PHF14: variants seen among roughly 807,000 people sequenced by gnomAD.
PHF14 encodes the protein PHD finger protein 14.
PHF14 carries 55 observed loss-of-function variants against 117.9 expected under a neutral mutation model. That is an observed-to-expected ratio of 0.47 (90% confidence interval 0.38 to 0.58). The LOEUF (loss-of-function observed/expected upper bound fraction) is 0.58, where lower values mean the gene tolerates loss of function less well. Among genes scored for constraint, PHF14 ranks in the 20% least tolerant of loss-of-function variants. The pLI is 0.00. For missense variants in PHF14, 978 were observed against 1,122.2 expected, an observed-to-expected ratio of 0.87 and a Z score of 1.84; for synonymous variants, 409 against 368.6, an observed-to-expected ratio of 1.11 and a Z score of -1.26.
intron 16 of PHF14, among the ~76,000 whole-genome samples, chr7:11,079,461 A>G (rs1785993034): frequency 6.6e-6 from 1 of 152,208 alleles, no homozygotes; most frequent in Non-Finnish European, 1.5e-5. Flanking sequence ...AGAAGAATGA[A>G]CCATGAACCA....
chr7:11,122,926 C>T (rs560122221), intron 17 of PHF14, among the ~76,000 whole-genome samples: 1 of 152,268 alleles, frequency 6.6e-6, no homozygotes, highest in Admixed American at 6.5e-5. Context: ...GCTGTAAATT[C>T]AGTTTGTCAA....
intron 17 of PHF14, among the ~76,000 whole-genome samples, chr7:11,123,201 AT>A (rs937862858): frequency 5.3e-5 from 8 of 152,208 alleles, no homozygotes; most frequent in Middle Eastern, 3.4e-3. Flanking sequence ...GGGATTTAGG[AT>A]TTAAGTGATC....
intron 16 of PHF14, chr7:11,108,325 A>G (rs1477038707): frequency 6.6e-6 from 1 of 151,658 alleles, no homozygotes; most frequent in Non-Finnish European, 1.5e-5. Context: ...AAAACTATTG[A>G]CTTCAAGATT....
In PHF14 at chr7:11,153,394, TG is replaced by T. The variant is rs151257933; in HGVS notation, c.2773-16017del. On this transcript the variant is annotated intron_variant, in intron 17 of 17. Coordinates refer to ENST00000634607, the MANE Select transcript of PHF14 (RefSeq NM_001007157.2). ...CAAGTGAGGTATAAGTCTTTTTTAG[TG>T]GGGGTAGGGGAAGTTTAGGGTTGGG... Among the ~76,000 whole-genome samples the T allele has an allele frequency of 1.3e-4, 20 of 152,116 alleles. 1 individual carries two copies. The East Asian group carries it at 3.9e-3, about 30-fold the overall frequency.
chr7:11,117,014 T>G (rs1290756543), intron 17 of PHF14, among the ~76,000 whole-genome samples: 1 of 151,950 alleles, frequency 6.6e-6, no homozygotes, highest in Non-Finnish European at 1.5e-5. Context: ...TTGATAAAGA[T>G]CTCAACAACT....
At chr7:10,995,077 C>T (rs761471844) in intron 4 of PHF14, among the ~76,000 whole-genome samples, 4 of 152,148 alleles carry the variant, frequency 2.6e-5, no homozygotes, top group Non-Finnish European at 4.4e-5. Context: ...TTCTCCAAGT[C>T]CGCACAGAGC....
chr7:10,994,747 C>T (rs992140595), intron 4 of PHF14, among the ~76,000 whole-genome samples: 3 of 152,016 alleles, frequency 2.0e-5, no homozygotes, highest in African/African-American at 7.3e-5. Flanking sequence ...GGAGTTTCTT[C>T]TTTCTGGTGG....
chr7:11,145,878 G>A (rs1351029065), intron 17 of PHF14, among the ~76,000 whole-genome samples: 1 of 151,834 alleles, frequency 6.6e-6, no homozygotes, highest in African/African-American at 2.4e-5. Flanking sequence ...TATACTTGTT[G>A]GATTAGCATC....
At chr7:11,034,841 G>A (rs1412844065) in intron 7 of PHF14, among the ~76,000 whole-genome samples, 2 of 151,906 alleles carry the variant, frequency 1.3e-5, no homozygotes, top group African/African-American at 2.4e-5. Context: ...GTGCCACCAC[G>A]CCTGGCCCTT....
Position 11,036,625 on chromosome 7 carries a change from G to T in PHF14, c.1810G>T (p.Val604Leu). ...PVDNSDTSSS[V>L]DGRRKHKQPA... ...GGACAATTCAGATACTAGTTCTAGT[G>T]TGGATGGAAGGAGAAAACATAAGCA... Residue 604 changes from valine to leucine, a missense_variant, in exon 9 of 18, where the codon GTG becomes TTG. Physicochemically the swap from Val to Leu is conservative, Grantham distance 32 (BLOSUM62 1). Around this residue, in one of 7 missense-constraint regions of PHF14, gnomAD observed 237 missense variants for 276.4 expected, o/e 0.86. Coordinates refer to ENST00000634607, the MANE Select transcript of PHF14 (RefSeq NM_001007157.2). 1.9e-6 allele frequency: 3 copies of T among 1,613,812 alleles called. No homozygotes were observed. The highest frequency in any genetic ancestry group is 2.5e-6 in the Non-Finnish European group (3 of 1,179,732).
chr7:11,015,566 C>T (rs1480747362), intron 5 of PHF14, among the ~76,000 whole-genome samples: 1 of 151,760 alleles, frequency 6.6e-6, no homozygotes, highest in Non-Finnish European at 1.5e-5. Context: ...TGTTTGGATT[C>T]TAGTCTTTTT....
At chr7:11,129,879 G>A (rs1321089637) in intron 17 of PHF14, among the ~76,000 whole-genome samples, 2 of 151,988 alleles carry the variant, frequency 1.3e-5, no homozygotes, top group Non-Finnish European at 2.9e-5. Context: ...AATTTTGAGA[G>A]TAGGATGATT....
chr7:11,090,096 CGT>C (rs1423948589), intron 16 of PHF14, among the ~76,000 whole-genome samples: 1 of 152,096 alleles, frequency 6.6e-6, no homozygotes, highest in Non-Finnish European at 1.5e-5. Flanking sequence ...TATGTGTGTA[CGT>C]GTGTCATTTT....
chr7:11,021,182 C>G (rs889518773), intron 5 of PHF14, among the ~76,000 whole-genome samples: 66 of 152,150 alleles, frequency 4.3e-4, no homozygotes, highest in African/African-American at 1.5e-3. Context: ...GCTAGGATGA[C>G]AATTCTGACT....
chr7:11,038,813 A>G lies in PHF14; in HGVS notation c.2034A>G (p.Glu678=). The change falls in exon 11 of 18, where the codon GAA becomes GAG. Residue 678 remains glutamate (E), a synonymous_variant. Coordinates refer to ENST00000634607, the MANE Select transcript of PHF14 (RefSeq NM_001007157.2). ...ACCTGAATGGAAAACTTCGAAGTGAAGGACAAGGAATATGGGCTTTACTAG... is the reference window on the plus strand; with the variant it reads ...ACCTGAATGGAAAACTTCGAAGTGAGGGACAAGGAATATGGGCTTTACTAG... ...LQNLNGKLRS[E]GQGIWALLGR... The G allele has an allele frequency of 6.3e-7, 1 of 1,599,432 alleles. No homozygotes were observed. Among genetic ancestry groups the G allele is most frequent in the Non-Finnish European group, 8.5e-7 (1 of 1,171,132 alleles).
chr7:11,169,479 C>G lies in PHF14; in HGVS notation c.2836C>G (p.Pro946Ala). The G allele has an allele frequency of 6.8e-7, 1 of 1,473,186 alleles. No individual in the cohort carries two copies. The highest frequency in any genetic ancestry group is 9.2e-7 in the Non-Finnish European group (1 of 1,091,536). 91.3% of individuals were successfully genotyped at this position (1,473,186 alleles called of 1,614,324 possible). Residue 946 changes from proline to alanine, a missense_variant, in exon 18 of 18, where the codon CCA (proline) becomes GCA (alanine). Coordinates refer to ENST00000634607, the MANE Select transcript of PHF14 (RefSeq NM_001007157.2). ...GGAGCTCAACATGGAACAGAAAAAT[C>G]CAAAGAAATAAAAGATTTTCTGTAG... ...SQELNMEQKN[P>A]KK is the part of the protein sequence containing the mutation.
chr7:11,119,065 A>G (rs939982373), intron 17 of PHF14, among the ~76,000 whole-genome samples: 16 of 151,874 alleles, frequency 1.1e-4, no homozygotes, highest in East Asian at 5.8e-4. Context: ...GCCATTTTCT[A>G]AGTGGCATGT....
At chr7:11,088,210 A>G (rs1282364416) in intron 16 of PHF14, among the ~76,000 whole-genome samples, 15 of 152,168 alleles carry the variant, frequency 9.9e-5, no homozygotes, top group Admixed American at 9.8e-4. Context: ...AATACCTAAT[A>G]CAATGTAAAT....
chr7:11,070,173 G>A (rs147848036), intron 16 of PHF14, among the ~76,000 whole-genome samples: 1 of 151,922 alleles, frequency 6.6e-6, no homozygotes, highest in African/African-American at 2.4e-5. Flanking sequence ...GAACTCTTAG[G>A]CTCAGGTGAT....
Sources: allele counts gnomAD v4.1 joint callset (sites outside exome capture counted in the v4.1 genomes callset), GRCh38; gene constraint gnomAD v4.1.1; regional missense constraint gnomAD v4.1.1; transcripts MANE v1.5; gene names NCBI Gene and HGNC (gene_info 2026-07-23, HGNC 2026-07-21).